Variants in DTL observed in about 807,000 individuals in gnomAD.
The protein encoded by DTL is denticleless protein homolog.
A neutral mutation model predicts 87.0 loss-of-function variants in DTL; 46 were observed. The ratio of observed to expected loss-of-function variants is 0.53; its 90% CI spans 0.42 to 0.68. The LOEUF is 0.68. Among genes scored for constraint, DTL ranks in the 30% least tolerant of loss-of-function variants. DTL has a pLI of 0.00. For synonymous variants in DTL, 308 were observed against 311.2 expected (o/e 0.99, Z 0.11); for missense variants, 737 against 869.4 (o/e 0.85, Z 1.91).
At chr1:212,079,017 A>C (rs551358931) in intron 12 of DTL, among the ~76,000 whole-genome samples, 1 of 151,934 alleles carries the variant, frequency 6.6e-6, no homozygotes, top group East Asian at 1.9e-4. Context: ...TTTGTTGCCT[A>C]TTGTTCCCAT....
At chr1:212,041,383 T>A (rs72750331) in intron 1 of DTL, among the ~76,000 whole-genome samples, 2,171 of 151,040 alleles carry the variant, frequency 0.014, 22 homozygotes, top group South Asian at 0.033. Context: ...TATTTTGCAG[T>A]TGATTTTTTT....
chr1:212,092,356 A>T (rs796262050), intron 13 of DTL, among the ~76,000 whole-genome samples: 9 of 152,250 alleles, frequency 5.9e-5, no homozygotes, highest in African/African-American at 2.2e-4. Flanking sequence ...CCAACATAGT[A>T]AAACCCCCCT....
intron 13 of DTL, among the ~76,000 whole-genome samples, chr1:212,088,611 G>A (rs114788948): frequency 0.027 from 4,175 of 152,328 alleles, 81 homozygotes; most frequent in Non-Finnish European, 0.04. Flanking sequence ...CTTGAAACAT[G>A]AGAAGAATTT....
At chr1:212,083,675 A>G (rs761783322) in intron 13 of DTL, among the ~76,000 whole-genome samples, 4 of 152,216 alleles carry the variant, frequency 2.6e-5, no homozygotes, top group Non-Finnish European at 4.4e-5. Context: ...GATCATGTAC[A>G]TAGATTTTTT....
intron 13 of DTL, among the ~76,000 whole-genome samples, chr1:212,093,824 G>A (rs1655361804): frequency 1.3e-5 from 2 of 152,198 alleles, no homozygotes; most frequent in South Asian, 4.1e-4. Context: ...CAACATTTGG[G>A]CAGGAAATGC....
At chr1:212,100,177 A>C in intron 13 of DTL, 75 bp from the exon 14 acceptor site, 2 of 1,187,348 alleles carry the variant, frequency 1.7e-6, no homozygotes, top group Non-Finnish European at 2.4e-6. Flanking sequence ...GTTAGCTATG[A>C]TTTTTCTTGA....
At chr1:212,047,076 C>A in intron 3 of DTL, 75 bp from the exon 4 acceptor site, 2 of 1,331,776 alleles carry the variant, frequency 1.5e-6, no homozygotes, top group Non-Finnish European at 2.2e-6. Flanking sequence ...GCTTTCCAGG[C>A]ATTTAAAGTT....
At chr1:212,076,580 G>A (rs1467065787) in intron 11 of DTL, among the ~76,000 whole-genome samples, 1 of 152,076 alleles carries the variant, frequency 6.6e-6, no homozygotes, top group South Asian at 2.1e-4. Flanking sequence ...CAATAAGCAG[G>A]GTGAATCAAT....
At chr1:212,046,382 C>T (rs1328994533) in intron 3 of DTL, among the ~76,000 whole-genome samples, 2 of 152,132 alleles carry the variant, frequency 1.3e-5, no homozygotes, top group African/African-American at 4.8e-5. Flanking sequence ...CACATACCAA[C>T]CCATCACCTA....
chr1:212,099,537 C>G (rs759067162), intron 13 of DTL: 1 of 152,684 alleles, frequency 6.5e-6, no homozygotes, highest in African/African-American at 2.4e-5. Context: ...CCCAGCCACC[C>G]TCTCACACTT....
intron 5 of DTL, among the ~76,000 whole-genome samples, chr1:212,061,247 C>CAAAAAA (rs1258680124): frequency 9.5e-6 from 1 of 105,342 alleles, no homozygotes. Flanking sequence ...GATCCTGTCT[C>CAAAAAA]AAAAAAAAAA....
At chr1:212,041,297 T>G (rs1667633008) in intron 1 of DTL, among the ~76,000 whole-genome samples, 1 of 152,164 alleles carries the variant, frequency 6.6e-6, no homozygotes, top group Middle Eastern at 3.2e-3. Flanking sequence ...ATTGTTTAAT[T>G]GTAAAAAATT....
intron 5 of DTL, among the ~76,000 whole-genome samples, chr1:212,059,321 A>C (rs886510948): frequency 6.6e-6 from 1 of 152,052 alleles, no homozygotes; most frequent in African/African-American, 2.4e-5. Flanking sequence ...AAAATACACC[A>C]TGATCAAGTG....
chr1:212,038,440 G>A (rs1667549431), intron 1 of DTL, among the ~76,000 whole-genome samples: 1 of 152,126 alleles, frequency 6.6e-6, no homozygotes, highest in Admixed American at 6.5e-5. Flanking sequence ...ACCAATTTTA[G>A]AGAGTGGCCT....
chr1:212,069,508 GTTTTA>G (rs1448609195), intron 10 of DTL, among the ~76,000 whole-genome samples: 2 of 150,872 alleles, frequency 1.3e-5, no homozygotes, highest in Non-Finnish European at 1.5e-5. Flanking sequence ...TACAGAACTT[GTTTTA>G]TTTTATTTAT....
At chr1:212,091,516 C>G (rs961858767) in intron 13 of DTL, among the ~76,000 whole-genome samples, 3 of 152,166 alleles carry the variant, frequency 2.0e-5, no homozygotes, top group Admixed American at 6.5e-5. Flanking sequence ...CACTGCAGCA[C>G]TATTCACGAT....
chr1:212,074,589 C>G (rs1318692100), intron 11 of DTL, among the ~76,000 whole-genome samples: 1 of 152,130 alleles, frequency 6.6e-6, no homozygotes, highest in Non-Finnish European at 1.5e-5. Flanking sequence ...GAGATCCTGG[C>G]AAGCTTGCAC....
chr1:212,057,610 T>C (rs991949246), intron 5 of DTL, among the ~76,000 whole-genome samples: 1 of 152,020 alleles, frequency 6.6e-6, no homozygotes, highest in Non-Finnish European at 1.5e-5. Flanking sequence ...GAGGAAAGGC[T>C]GAAATGTTAC....
At chr1:212,066,300 G>A (rs1417183363) in intron 7 of DTL, among the ~76,000 whole-genome samples, 1 of 152,082 alleles carries the variant, frequency 6.6e-6, no homozygotes, top group Non-Finnish European at 1.5e-5. Flanking sequence ...AAGTTAAAAC[G>A]AGTAGCATTT....
Sources: allele counts gnomAD v4.1 joint callset (sites outside exome capture counted in the v4.1 genomes callset), GRCh38; gene constraint gnomAD v4.1.1; transcripts MANE v1.5; gene names NCBI Gene and HGNC (gene_info 2026-07-23, HGNC 2026-07-21).